The following ARID1B variants were observed in gnomAD, a reference collection of about 807,000 sequenced individuals.
ARID1B encodes the protein AT-rich interaction domain 1B, also known as AT-rich interactive domain-containing protein 1B.
ARID1B carries 30 observed loss-of-function variants against 212.3 expected under a neutral mutation model. The ratio of observed to expected loss-of-function variants is 0.14; its 90% confidence interval spans 0.11 to 0.19. ARID1B has a LOEUF of 0.19. ARID1B is among the 10% of genes least tolerant of loss of function. ARID1B has a pLI of 1.00. For synonymous variants in ARID1B, 1,402 were observed against 1,301.7 expected (o/e 1.08, Z -1.66); for missense variants, 2,891 against 3,204.0 (o/e 0.90, Z 2.36).
At chr6:157,057,034 ACT>A (rs1385987596) in intron 4 of ARID1B, among the ~76,000 whole-genome samples, 1 of 149,244 alleles carries the variant, frequency 6.7e-6, no homozygotes, top group African/African-American at 2.5e-5. Flanking sequence ...ACGGAGTCTC[ACT>A]CTGTTGCTCA....
In ARID1B at chr6:156,778,081, C is replaced by G; in HGVS notation, c.401C>G (p.Ser134Cys). 6.5e-7 allele frequency: 1 copy of G among 1,540,050 alleles called. No homozygotes were observed. Among genetic ancestry groups the G allele is most frequent in the Non-Finnish European group, 8.7e-7 (1 of 1,146,322 alleles). Residue 134 changes from serine (S) to cysteine (C), a missense_variant, in exon 1 of 20, where the codon TCC becomes TGC. Ser to Cys is a moderately radical substitution (Grantham distance 112, BLOSUM62 -1). Transcript: ENST00000636930. The part of the protein sequence containing the change: ...SAAAAAASSS[S>C]SSGPGSAMET... ...GCGGCAGCGGCGGCATCCTCTTCCT[C>G]CTCGTCGGGCCCGGGCTCGGCCATG...
At chr6:157,086,931 T>C (rs1186387669) in intron 5 of ARID1B, among the ~76,000 whole-genome samples, 4 of 152,214 alleles carry the variant, frequency 2.6e-5, no homozygotes, top group Non-Finnish European at 5.9e-5. Context: ...AGCACAAGGA[T>C]CTCACTATCA....
At chr6:156,963,049 T>C (rs935733003) in intron 4 of ARID1B, among the ~76,000 whole-genome samples, 1 of 151,720 alleles carries the variant, frequency 6.6e-6, no homozygotes, top group Non-Finnish European at 1.5e-5. Context: ...CACAAGGTGC[T>C]GGGATTACAG....
intron 4 of ARID1B, among the ~76,000 whole-genome samples, chr6:156,956,250 G>A (rs1202078515): frequency 1.3e-5 from 2 of 152,042 alleles, no homozygotes; most frequent in Non-Finnish European, 2.9e-5. Context: ...GTTCATGGAG[G>A]CTGGCCCATA....
intron 4 of ARID1B, among the ~76,000 whole-genome samples, chr6:156,992,441 G>T (rs1445029906): frequency 6.6e-6 from 1 of 152,212 alleles, no homozygotes; most frequent in Non-Finnish European, 1.5e-5. Flanking sequence ...TCTGAATTTA[G>T]AAGATGGTTA....
Position 156,837,350 on chromosome 6 carries a change from T to C in ARID1B, c.1986+7929T>C, listed in dbSNP as rs570529458. Among the ~76,000 whole-genome samples, 150 of 152,282 alleles carry C rather than the reference T, an allele frequency of 9.9e-4. 1 individual carries two copies. Among genetic ancestry groups the C allele is most frequent in the Middle Eastern group, 6.8e-3 (2 of 292 alleles). ...TAAGACATTGCTACTTTCTAAGTAG[T>C]TCTGAAAACAAGTATATATTGAACA... is the stretch of plus-strand genomic sequence containing the variant. On this transcript the variant is annotated intron_variant, in intron 2 of 19. Coordinates refer to ENST00000636930, the MANE Select transcript of ARID1B (RefSeq NM_001374828.1).
At chr6:157,011,248 A>G (rs1347494443) in intron 4 of ARID1B, among the ~76,000 whole-genome samples, 10 of 152,236 alleles carry the variant, frequency 6.6e-5, no homozygotes, top group African/African-American at 2.2e-4. Flanking sequence ...AGTTGGAAAA[A>G]TGAACACAAG....
intron 7 of ARID1B, among the ~76,000 whole-genome samples, chr6:157,147,897 C>T (rs1583403327): frequency 9.4e-6 from 1 of 105,998 alleles, no homozygotes; most frequent in East Asian, 2.6e-4. Context: ...TCCCTCACCT[C>T]CGCCTCCGAC....
chr6:156,968,802 G>A (rs894137340), intron 4 of ARID1B, among the ~76,000 whole-genome samples: 1 of 152,234 alleles, frequency 6.6e-6, no homozygotes, highest in Non-Finnish European at 1.5e-5. Context: ...TCCTCACAGG[G>A]TCATTGTCAG....
rs535848489 is a variant in ARID1B at position 156,839,330 on chromosome 6, G to A, written c.1986+9909G>A. Among the ~76,000 whole-genome samples the A allele has an allele frequency of 2.8e-4, 43 of 152,328 alleles. No homozygotes were observed. The South Asian group carries it at 8.9e-3, about 32-fold the overall frequency. ...TCACAGGGTGAGAGGGTAGTAGCGT[G>A]CTGGCTCAGATCTCTCTTCCTCTTC... On this transcript the variant is annotated intron_variant, in intron 2 of 19. Transcript: ENST00000636930.
chr6:157,155,287 G>T (rs927455463), intron 8 of ARID1B, among the ~76,000 whole-genome samples: 6 of 152,170 alleles, frequency 3.9e-5, no homozygotes, highest in Admixed American at 3.9e-4. Context: ...CTGGAGTATG[G>T]CTGTTAAAGT....
intron 4 of ARID1B, among the ~76,000 whole-genome samples, chr6:156,998,209 TCTC>T (rs1403935255): frequency 2.8e-5 from 4 of 141,786 alleles, no homozygotes; most frequent in South Asian, 4.9e-4. Flanking sequence ...TTGATCTCTC[TCTC>T]TTTTTTTTTT....
intron 4 of ARID1B, among the ~76,000 whole-genome samples, chr6:156,991,969 T>C (rs1381524376): frequency 6.6e-6 from 1 of 152,204 alleles, no homozygotes; most frequent in Admixed American, 6.5e-5. Context: ...AAAGAAAACA[T>C]TTTTGAAAAG....
At chr6:157,085,717 T>G (rs1489071423) in intron 5 of ARID1B, among the ~76,000 whole-genome samples, 1 of 150,862 alleles carries the variant, frequency 6.6e-6, no homozygotes, top group Admixed American at 6.6e-5. Context: ...AAAAAAAAAG[T>G]GTATTGTGGA....
At chr6:157,065,112 G>T (rs1003003953) in intron 4 of ARID1B, among the ~76,000 whole-genome samples, 1 of 152,116 alleles carries the variant, frequency 6.6e-6, no homozygotes, top group Non-Finnish European at 1.5e-5. Context: ...TATCATATTT[G>T]GGGAAATTCA....
At chr6:156,782,585 A>G (rs1434981483) in intron 1 of ARID1B, among the ~76,000 whole-genome samples, 1 of 152,298 alleles carries the variant, frequency 6.6e-6, no homozygotes, top group African/African-American at 2.4e-5. Context: ...CTTATTTACC[A>G]TTAGAAGAAA....
chr6:156,798,227 G>A lies in ARID1B; in HGVS notation c.1791+18756G>A, dbSNP rs544831807. Among the ~76,000 whole-genome samples, 96 of 152,290 alleles carry A rather than the reference G, an allele frequency of 6.3e-4. 1 individual carries two copies. In the South Asian group the frequency reaches 0.014, roughly 22 times the overall value. On this transcript the variant is annotated intron_variant, in intron 1 of 19. Coordinates refer to ENST00000636930, the MANE Select transcript of ARID1B (RefSeq NM_001374828.1). ...GTGCTGTGCTGGTCGCTCCCTCCTG[G>A]GGCCCCTGCATGTCCACCCATCCTT...
chr6:157,048,625 A>G (rs1782392798), intron 4 of ARID1B, among the ~76,000 whole-genome samples: 1 of 152,228 alleles, frequency 6.6e-6, no homozygotes, highest in African/African-American at 2.4e-5. Context: ...GAAGGAATAC[A>G]TTGTCTGACA....
intron 19 of ARID1B, 107 bp downstream of exon 19, chr6:157,204,103 A>C: frequency 7.1e-7 from 1 of 1,414,016 alleles, no homozygotes; most frequent in South Asian, 1.2e-5. Flanking sequence ...TGACCGTCCA[A>C]CACTGTTAAT....
Sources: allele counts gnomAD v4.1 joint callset (sites outside exome capture counted in the v4.1 genomes callset), GRCh38; gene constraint gnomAD v4.1.1; transcripts MANE v1.5; gene names NCBI Gene and HGNC (gene_info 2026-07-23, HGNC 2026-07-21).